The following PBRM1 variants were observed in gnomAD, a reference collection of about 807,000 sequenced individuals.
PBRM1 encodes protein polybromo-1.
PBRM1 carries 27 observed loss-of-function variants against 194.5 expected under a neutral mutation model. That is an observed-to-expected ratio of 0.14 (90% confidence interval 0.10 to 0.19). The LOEUF (loss-of-function observed/expected upper bound fraction) is 0.19. Among genes scored for constraint, PBRM1 ranks in the 10% least tolerant of loss-of-function variants. The pLI is 1.00. For missense variants in PBRM1, 1,466 were observed against 2,077.2 expected (o/e 0.71, Z 5.72); for synonymous variants, 655 against 693.2 (o/e 0.94, Z 0.87).
At chr3:52,569,343 TG>T (rs2086314658) in intron 22 of PBRM1, among the ~76,000 whole-genome samples, 1 of 152,048 alleles carries the variant, frequency 6.6e-6, no homozygotes, top group African/African-American at 2.4e-5. Context: ...CCCAAGTAGC[TG>T]GGACTACAGG....
intron 5 of PBRM1, among the ~76,000 whole-genome samples, 153 bp from the exon 7 acceptor site, chr3:52,651,963 A>G (rs1042730053): frequency 6.6e-6 from 1 of 152,266 alleles, no homozygotes; most frequent in African/African-American, 2.4e-5. Flanking sequence ...CACATTTATT[A>G]TATCAGAACC....
intron 13 of PBRM1, among the ~76,000 whole-genome samples, chr3:52,619,655 T>C (rs563346361): frequency 1.1e-3 from 165 of 152,330 alleles, no homozygotes; most frequent in Non-Finnish European, 1.9e-3. Context: ...TGTGGCTGTA[T>C]AGGTCTTCTG....
At chr3:52,582,718 A>G (rs992259970) in intron 20 of PBRM1, among the ~76,000 whole-genome samples, 2 of 152,048 alleles carry the variant, frequency 1.3e-5, no homozygotes, top group Non-Finnish European at 2.9e-5. Flanking sequence ...TCCCAGCCCC[A>G]TGATGTCGCC....
chr3:52,629,673 C>T (rs2095555894), intron 11 of PBRM1, among the ~76,000 whole-genome samples: 2 of 152,190 alleles, frequency 1.3e-5, no homozygotes, highest in Admixed American at 1.3e-4. Flanking sequence ...CACTTAAACA[C>T]AATCATTATT....
chr3:52,566,736 T>C (rs1339582968), intron 22 of PBRM1, among the ~76,000 whole-genome samples: 1 of 152,116 alleles, frequency 6.6e-6, no homozygotes, highest in Non-Finnish European at 1.5e-5. Flanking sequence ...TGAACAGTGG[T>C]GATAGCTGTA....
At chr3:52,632,427 A>G (rs996794837) in intron 11 of PBRM1, among the ~76,000 whole-genome samples, 2 of 152,132 alleles carry the variant, frequency 1.3e-5, no homozygotes, top group African/African-American at 4.8e-5. Flanking sequence ...AAAACATTTA[A>G]AAAAATTAGC....
At chr3:52,637,654 G>A (rs1298672239) in intron 10 of PBRM1, among the ~76,000 whole-genome samples, 1 of 150,668 alleles carries the variant, frequency 6.6e-6, no homozygotes, top group African/African-American at 2.4e-5. Context: ...AAGGCTGGGC[G>A]CAGTAGCTCA....
At chr3:52,550,353 G>T in intron 29 of PBRM1, 68 bp downstream of exon 31, 1 of 697,696 alleles carries the variant, frequency 1.4e-6, no homozygotes, top group Non-Finnish European at 2.2e-6. Flanking sequence ...GATATACTAT[G>T]CTAACAGCAG....
At chr3:52,563,640 G>A (rs1250753537) in intron 23 of PBRM1, 147 bp from the exon 26 acceptor site, 16 of 608,414 alleles carry the variant, frequency 2.6e-5, no homozygotes, top group African/African-American at 9.3e-5. Context: ...GTTTAAATGT[G>A]TATTTATGAA....
At chr3:52,579,153 C>T (rs141109671) in exon 21 of PBRM1, 6 of 1,613,972 alleles carry the variant, frequency 3.7e-6, no homozygotes, top group South Asian at 1.1e-5. Flanking sequence ...AAAGTAGTGG[C>T]AACCTGGTTC....
chr3:52,595,911 T>C (rs2093491505), intron 17 of PBRM1, among the ~76,000 whole-genome samples: 1 of 152,226 alleles, frequency 6.6e-6, no homozygotes, highest in Admixed American at 6.5e-5. Flanking sequence ...CTTTCCCCAA[T>C]GTATATTCTT....
intron 6 of PBRM1, among the ~76,000 whole-genome samples, 184 bp from the exon 8 acceptor site, chr3:52,648,626 AGT>A (rs2096396819): frequency 1.3e-5 from 2 of 152,246 alleles, no homozygotes; most frequent in African/African-American, 4.8e-5. Flanking sequence ...CCCATTTATA[AGT>A]AAGTTTTTGA....
chr3:52,562,584 A>G (rs914463663), intron 24 of PBRM1, among the ~76,000 whole-genome samples: 24 of 141,414 alleles, frequency 1.7e-4, no homozygotes, highest in Admixed American at 3.8e-4. Context: ...TTGTTCTGTC[A>G]CCAGGCTGGA....
intron 26 of PBRM1, among the ~76,000 whole-genome samples, chr3:52,556,335 T>A (rs947340624): frequency 1.3e-5 from 2 of 152,156 alleles, no homozygotes; most frequent in Non-Finnish European, 2.9e-5. Context: ...CATTTTTTTT[T>A]AAATGAAGAG....
chr3:52,594,584 C>T (rs2093392392), intron 17 of PBRM1, among the ~76,000 whole-genome samples: 4 of 152,184 alleles, frequency 2.6e-5, no homozygotes, highest in Admixed American at 2.6e-4. Flanking sequence ...AGCCCATTTA[C>T]ATTCAAGGTC....
At chr3:52,571,949 G>A (rs1468396633) in intron 22 of PBRM1, among the ~76,000 whole-genome samples, 1 of 150,024 alleles carries the variant, frequency 6.7e-6, no homozygotes, top group Non-Finnish European at 1.5e-5. Context: ...GAGATGGGAG[G>A]ATTGCTTGCG....
At chr3:52,553,012 TCCAGG>T (rs2081342465) in intron 27 of PBRM1, among the ~76,000 whole-genome samples, 1 of 152,148 alleles carries the variant, frequency 6.6e-6, no homozygotes, top group African/African-American at 2.4e-5. Context: ...GGCTGGAGGC[TCCAGG>T]CCAGGCCACC....
At chr3:52,615,628 G>C (rs2094913015) in intron 14 of PBRM1, among the ~76,000 whole-genome samples, 172 bp from the exon 17 acceptor site, 2 of 152,116 alleles carry the variant, frequency 1.3e-5, no homozygotes, top group African/African-American at 2.4e-5. Flanking sequence ...GGAGAGCCTA[G>C]GCCTTAACTG....
intron 11 of PBRM1, among the ~76,000 whole-genome samples, chr3:52,630,253 A>C (rs2095575265): frequency 6.6e-6 from 1 of 151,908 alleles, no homozygotes; most frequent in Non-Finnish European, 1.5e-5. Flanking sequence ...AGTACAGCAG[A>C]AGGTAGCATA....
Sources: allele counts gnomAD v4.1 joint callset (sites outside exome capture counted in the v4.1 genomes callset), GRCh38; gene constraint gnomAD v4.1.1; transcripts MANE v1.5; gene names NCBI Gene and HGNC (gene_info 2026-07-23, HGNC 2026-07-21).